SHISA5: variants seen among roughly 807,000 people sequenced by gnomAD.
SHISA5 encodes the protein protein shisa-5.
SHISA5 carries 21 observed loss-of-function variants against 27.5 expected under a neutral mutation model. That is an observed-to-expected ratio of 0.76 (90% CI 0.54 to 1.10). The LOEUF (loss-of-function observed/expected upper bound fraction) is 1.10. Ranked by LOEUF, SHISA5 falls within the 50% of genes least tolerant of loss-of-function variation. SHISA5 has a pLI of 0.00. For missense variants in SHISA5, 314 were observed against 336.3 expected (o/e 0.93, Z 0.52); for synonymous variants, 137 against 142.2 (o/e 0.96, Z 0.26).
At chr3:48,501,320 C>T in intron 1 of SHISA5, 27 bp from the exon 2 acceptor site, 1 of 1,607,720 alleles carries the variant, frequency 6.2e-7, no homozygotes, top group Non-Finnish European at 8.5e-7. Flanking sequence ...CATCTGTTCA[C>T]CTGTGCCCAC....
Position 48,472,954 on chromosome 3 carries a change from G to A in SHISA5, c.315-3111C>T, listed in dbSNP as rs527774308. On this transcript the variant is annotated intron_variant, in intron 3 of 5. Transcript: ENST00000296444. The stretch of plus-strand genomic sequence containing the variant: ...CCGCAAGGCCGTTATCATCCCTCCA[G>A]AGATCTCTCAGTGTTTGTCTCTCAA... The A allele has an allele frequency of 2.4e-5, 36 of 1,481,408 alleles. No homozygotes were observed. In the South Asian group the frequency reaches 4.3e-4, roughly 18 times the overall value. 91.8% of individuals were successfully genotyped at this position (1,481,408 alleles called of 1,614,324 possible).
At chr3:48,481,607 G>A (rs1298561697) in intron 2 of SHISA5, among the ~76,000 whole-genome samples, 9 of 148,264 alleles carry the variant, frequency 6.1e-5, no homozygotes, top group Admixed American at 6.0e-4. Context: ...TGGCCAACGT[G>A]GCGAAACCCC....
chr3:48,473,397 T>A lies in SHISA5; in HGVS notation c.315-3554A>T. 1 of 1,319,124 alleles carries A rather than the reference T, an allele frequency of 7.6e-7. No individual in the cohort carries two copies. Among genetic ancestry groups the A allele is most frequent in the South Asian group, 1.2e-5 (1 of 81,184 alleles). 81.7% of individuals were successfully genotyped at this position (1,319,124 alleles called of 1,614,324 possible). A position where few individuals can be genotyped will look rare whatever the true frequency, so the allele number is the denominator to read the frequency against. On this transcript the variant is annotated intron_variant, in intron 3 of 5. Coordinates refer to ENST00000296444, the MANE Select transcript of SHISA5 (RefSeq NM_016479.6). This position sits in a 1 kb window ranked among gnomAD's most constrained non-coding sequence, Gnocchi z 4.3. Reference sequence around the variant, plus strand: ...CAGTGGGCCCCAACCACACTCTAGCTCAGCAGCACCCCCACCCCCACTTCC... The same window carrying A: ...CAGTGGGCCCCAACCACACTCTAGCACAGCAGCACCCCCACCCCCACTTCC...
Position 48,474,630 on chromosome 3 carries a change from C to A in SHISA5, c.314+4547G>T, listed in dbSNP as rs141657975. Among the ~76,000 whole-genome samples, 333 of 152,252 alleles carry A rather than the reference C, an allele frequency of 2.2e-3. 2 individuals are homozygous for A. The highest frequency in any genetic ancestry group is 7.8e-3 in the African/African-American group (322 of 41,544). Reference sequence around the variant, plus strand: ...GGGATTACAGGCCTGAGCCACCGTGCCTGGCCTTTAATTAAAATTTTAAAT... The same window carrying A: ...GGGATTACAGGCCTGAGCCACCGTGACTGGCCTTTAATTAAAATTTTAAAT... On this transcript the variant is annotated intron_variant, in intron 3 of 5. Transcript: ENST00000296444.
intron 2 of SHISA5, among the ~76,000 whole-genome samples, chr3:48,489,548 T>C (rs1184365514): frequency 6.6e-6 from 1 of 150,690 alleles, no homozygotes; most frequent in African/African-American, 2.4e-5. Flanking sequence ...GGTCTCGATC[T>C]CCTGACCTTG....
chr3:48,494,701 T>C (rs940517658), intron 2 of SHISA5, among the ~76,000 whole-genome samples: 2 of 147,964 alleles, frequency 1.4e-5, no homozygotes, highest in East Asian at 3.9e-4. Flanking sequence ...ACTTTGGCTA[T>C]TGTGATAATG....
chr3:48,496,800 A>T (rs1357145918), intron 2 of SHISA5, among the ~76,000 whole-genome samples: 1 of 151,994 alleles, frequency 6.6e-6, no homozygotes, highest in African/African-American at 2.4e-5. Flanking sequence ...CAAAGGAAAA[A>T]ATGAAACATA....
At chr3:48,477,483 A>T (rs1387819826) in intron 3 of SHISA5, among the ~76,000 whole-genome samples, 1 of 152,090 alleles carries the variant, frequency 6.6e-6, no homozygotes, top group Non-Finnish European at 1.5e-5. Flanking sequence ...ACCTCACTGT[A>T]GCCCTGAACT....
intron 2 of SHISA5, among the ~76,000 whole-genome samples, chr3:48,488,809 A>G (rs2107354878): frequency 6.7e-6 from 1 of 148,868 alleles, no homozygotes; most frequent in Non-Finnish European, 1.5e-5. Context: ...CTCCAGCCTG[A>G]GCAACAAGAG....
Position 48,501,246 on chromosome 3 carries a change from C to G in SHISA5, c.124G>C (p.Glu42Gln). The G allele has an allele frequency of 6.2e-7, 1 of 1,614,136 alleles. No individual in the cohort carries two copies. Among genetic ancestry groups the G allele is most frequent in the Non-Finnish European group, 8.5e-7 (1 of 1,180,012 alleles). The change falls in exon 2 of 6, where the codon GAG (glutamate) becomes CAG (glutamine). Residue 42 changes from glutamate (E) to glutamine (Q), a missense_variant. Glu to Gln is a conservative substitution (Grantham distance 29). Coordinates refer to ENST00000296444, the MANE Select transcript of SHISA5 (RefSeq NM_016479.6). ...CCACAGCAGAAATCTGGACAGGACT[C>G]GGGGAAGAGGCTGAGTCCACGGGAA... ...MASRGLSLFP[E>Q]SCPDFCCGTC...
intron 2 of SHISA5, among the ~76,000 whole-genome samples, chr3:48,488,890 C>A (rs2041334995): frequency 6.8e-6 from 1 of 147,364 alleles, no homozygotes; most frequent in South Asian, 2.2e-4. Flanking sequence ...AAAAAAAGAA[C>A]TAGAATTTAA....
intron 1 of SHISA5, chr3:48,502,610 G>C: frequency 2.9e-6 from 1 of 339,462 alleles, no homozygotes; most frequent in Non-Finnish European, 5.9e-6. Context: ...CCTCCAGGAA[G>C]ATGCTACAGT....
At chr3:48,497,103 G>T (rs1316715583) in intron 2 of SHISA5, among the ~76,000 whole-genome samples, 1 of 150,912 alleles carries the variant, frequency 6.6e-6, no homozygotes, top group South Asian at 2.1e-4. Flanking sequence ...GTGGTGGCAG[G>T]CACCTGTAAT....
intron 1 of SHISA5, chr3:48,503,172 A>C (rs1314925577): frequency 2.3e-6 from 3 of 1,289,618 alleles, no homozygotes; most frequent in Non-Finnish European, 3.0e-6. Context: ...TTCACAGCCC[A>C]ATCTGAGCCT....
At chr3:48,496,606 C>A (rs1364870362) in intron 2 of SHISA5, among the ~76,000 whole-genome samples, 1 of 151,462 alleles carries the variant, frequency 6.6e-6, no homozygotes. Flanking sequence ...AGGTGGCAGG[C>A]CCCTGTAATC....
intron 2 of SHISA5, among the ~76,000 whole-genome samples, chr3:48,488,349 T>TGGGAGTACAGGTG (rs1320799796): frequency 5.5e-5 from 8 of 145,202 alleles, no homozygotes; most frequent in Non-Finnish European, 1.2e-4. Context: ...TCCCTTAGCC[T>TGGGAGTACAGGTG]CCCGAGTAGC....
chr3:48,486,344 G>GTTATATAACAT (rs1342438278), intron 2 of SHISA5, among the ~76,000 whole-genome samples: 1 of 4,466 alleles, frequency 2.2e-4, no homozygotes, highest in African/African-American at 7.0e-4. Flanking sequence ...AATATATAAT[G>GTTATATAACAT]ATAATGTATT....
Position 48,501,239 on chromosome 3 carries a change from C to G in SHISA5, c.131G>C (p.Cys44Ser). 6.2e-7 allele frequency: 1 copy of G among 1,614,174 alleles called. No individual in the cohort carries two copies. The highest frequency in any genetic ancestry group is 8.5e-7 in the Non-Finnish European group (1 of 1,180,010). ...ACAGGTACCACAGCAGAAATCTGGA[C>G]AGGACTCGGGGAAGAGGCTGAGTCC... is the stretch of plus-strand genomic sequence containing the variant. ...SRGLSLFPES[C>S]PDFCCGTCDD... Residue 44 changes from cysteine to serine, a missense_variant, in exon 2 of 6, where the codon TGT (cysteine) becomes TCT (serine). Physicochemically the swap from Cys to Ser is moderately radical, Grantham distance 112. Transcript: ENST00000296444.
rs1382591265 is a variant in SHISA5 at position 48,504,035 on chromosome 3, TAGC to T, written c.57_59del (p.Leu20del). Reference sequence around the variant, plus strand: ...CCGGCTCACCACCCGGAGGCGGCGTTAGCAGCAGCAGCAACAGCAACGGCAACA... The same window carrying T: ...CCGGCTCACCACCCGGAGGCGGCGTTAGCAGCAGCAACAGCAACGGCAACA... On this transcript the variant is annotated inframe_deletion, in exon 1 of 6. Transcript: ENST00000296444. This position sits in a 1 kb window ranked among gnomAD's most constrained non-coding sequence, Gnocchi z 4.0. The T allele has an allele frequency of 8.2e-6, 12 of 1,466,092 alleles. No homozygotes were observed. Among genetic ancestry groups the T allele is most frequent in the Admixed American group, 4.8e-5 (2 of 41,450 alleles). The allele number at this position is 1,466,092 out of a possible 1,614,324, so 90.8% of individuals were successfully genotyped here. A position where few individuals can be genotyped will look rare whatever the true frequency, so the allele number is the denominator to read the frequency against.
Sources: allele counts gnomAD v4.1 joint callset (sites outside exome capture counted in the v4.1 genomes callset), GRCh38; gene constraint gnomAD v4.1.1; non-coding constraint Gnocchi (gnomAD v3.1); transcripts MANE v1.5; gene names NCBI Gene and HGNC (gene_info 2026-07-23, HGNC 2026-07-21).